Variants in AGO1 observed in about 807,000 individuals in gnomAD.
The protein encoded by AGO1 is argonaute RISC component 1.
A neutral mutation model predicts 109.2 loss-of-function variants in AGO1; 11 were observed. That is an observed-to-expected ratio of 0.10 (90% CI 0.06 to 0.17). AGO1 has a LOEUF of 0.17. Ranked by LOEUF, AGO1 falls within the 10% of genes least tolerant of loss-of-function variation. The pLI, the probability that AGO1 is intolerant of heterozygous loss-of-function variation, is 1.00. For missense variants in AGO1, 574 were observed against 1,140.3 expected (o/e 0.50, Z 7.15); for synonymous variants, 422 against 418.6 (o/e 1.01, Z -0.10).
Position 35,883,295 on chromosome 1 carries a change from C to T in AGO1, c.-127C>T, listed in dbSNP as rs1333289576. The T allele has an allele frequency of 2.1e-6, 3 of 1,429,666 alleles. No individual in the cohort carries two copies. The highest frequency in any genetic ancestry group is 1.5e-5 in the African/African-American group (1 of 66,482). The allele number at this position is 1,429,666 out of a possible 1,614,324, so 88.6% of individuals were successfully genotyped here. A position where few individuals can be genotyped will look rare whatever the true frequency, so the allele number is the denominator to read the frequency against. On this transcript the variant is annotated 5_prime_UTR_variant, in exon 1 of 19. Transcript: ENST00000373204. The surrounding 1 kb of genome is among the most constrained non-coding windows in gnomAD (Gnocchi z 5.4). ...GAGGCTGCGGGGGCGGCGGCGCGAG[C>T]GGCCGGGCTTGGTAGGGGAGCCGAG...
At chr1:35,912,570 TA>T (rs1354618735) in intron 12 of AGO1, among the ~76,000 whole-genome samples, 4 of 152,160 alleles carry the variant, frequency 2.6e-5, no homozygotes, top group East Asian at 1.9e-4. Context: ...TATTTTATTT[TA>T]TTTTTTTATT....
intron 11 of AGO1, 85 bp downstream of exon 11, chr1:35,902,422 G>A: frequency 1.3e-6 from 2 of 1,530,462 alleles, no homozygotes; most frequent in Non-Finnish European, 1.8e-6. Flanking sequence ...GGCTGATATT[G>A]ATCAGTAATG....
In AGO1 at chr1:35,926,879, T is replaced by C. The variant is rs1645938928; in HGVS notation, c.*7272T>C. On this transcript the variant is annotated 3_prime_UTR_variant, in exon 19 of 19. Transcript: ENST00000373204. The stretch of plus-strand genomic sequence containing the variant: ...TGGCTTACCCTGCAGGAACATACTG[T>C]GTCCTGTTGTTCTGGACTGTAGCAT... 2 of 152,016 alleles carry C rather than the reference T, an allele frequency of 1.3e-5. 1 individual carries two copies. The highest frequency in any genetic ancestry group is 1.3e-4 in the Admixed American group (2 of 15,258). 9.4% of individuals were successfully genotyped at this position (152,016 alleles called of 1,614,324 possible). A position where few individuals can be genotyped will look rare whatever the true frequency, so the allele number is the denominator to read the frequency against.
Position 35,893,554 on chromosome 1 carries a change from C to T in AGO1, c.513-120C>T, listed in dbSNP as rs117260057. The stretch of plus-strand genomic sequence containing the variant: ...GTCAGTCATACAACTAGTAAAGCAT[C>T]AGAGCTGGCATTAAAGCCCCGGTGT... On this transcript the variant is annotated intron_variant, in intron 4 of 18. Transcript: ENST00000373204. The surrounding 1 kb of genome is among the most constrained non-coding windows in gnomAD (Gnocchi z 5.6). 2.6e-4 allele frequency: 279 copies of T among 1,078,434 alleles called. No homozygotes were observed. The East Asian group carries it at 7.1e-3, about 28-fold the overall frequency. 66.8% of individuals were successfully genotyped at this position (1,078,434 alleles called of 1,614,324 possible).
chr1:35,882,381 A>G (rs1645046116), upstream of AGO1, among the ~76,000 whole-genome samples: 1 of 152,202 alleles, frequency 6.6e-6, no homozygotes. The surrounding 1 kb of genome is among the most constrained non-coding windows in gnomAD (Gnocchi z 5.1). Flanking sequence ...GGGGCCCTTT[A>G]GAAAGACTGA....
chr1:35,920,717 G>T lies in AGO1; in HGVS notation c.*1110G>T, dbSNP rs1645816341. 1 of 152,506 alleles carries T rather than the reference G, an allele frequency of 6.6e-6. No homozygotes were observed. The highest frequency in any genetic ancestry group is 1.5e-5 in the Non-Finnish European group (1 of 68,042). 9.4% of individuals were successfully genotyped at this position (152,506 alleles called of 1,614,324 possible). A position where few individuals can be genotyped will look rare whatever the true frequency, so the allele number is the denominator to read the frequency against. ...CTACCTCCCGCCCCGCCCAGGTCTG[G>T]AGTTACTTTCATAGCATTTTTCACT... On this transcript the variant is annotated 3_prime_UTR_variant, in exon 19 of 19. Transcript: ENST00000373204.
Position 35,893,389 on chromosome 1 carries a change from T to C in AGO1, c.512+111T>C. On this transcript the variant is annotated intron_variant, in intron 4 of 18. Transcript: ENST00000373204. The surrounding 1 kb of genome is among the most constrained non-coding windows in gnomAD (Gnocchi z 5.6). ...AGAGTGCCATTAAAAAAAAAAATTA[T>C]TTGAAGCCCTACCACTTGCCAGGCA... 8.4e-7 allele frequency: 1 copy of C among 1,190,824 alleles called. No individual in the cohort carries two copies. The highest frequency in any genetic ancestry group is 1.2e-6 in the Non-Finnish European group (1 of 857,154). The allele number at this position is 1,190,824 out of a possible 1,614,324, so 73.8% of individuals were successfully genotyped here.
intron 11 of AGO1, among the ~76,000 whole-genome samples, chr1:35,903,301 C>T (rs986734605): frequency 4.3e-5 from 6 of 139,244 alleles, no homozygotes; most frequent in Non-Finnish European, 5.9e-5. Flanking sequence ...CCACTGTGCC[C>T]GGCCTTTTTT....
chr1:35,898,521 C>T (rs79348940), intron 8 of AGO1, among the ~76,000 whole-genome samples: 13,360 of 152,236 alleles, frequency 0.088, 2,043 homozygotes, highest in East Asian at 0.68. Context: ...TCCCAAATTG[C>T]TGGGATTACA....
At chr1:35,877,554 T>C (rs1334677564) in intron 1 of AGO1, among the ~76,000 whole-genome samples, 1 of 152,200 alleles carries the variant, frequency 6.6e-6, no homozygotes, top group South Asian at 2.1e-4. Context: ...TAAAGTTTCA[T>C]TGAAATTATC....
intron 8 of AGO1, among the ~76,000 whole-genome samples, chr1:35,900,330 C>T (rs991532982): frequency 3.3e-5 from 5 of 152,214 alleles, no homozygotes; most frequent in Non-Finnish European, 7.3e-5. Context: ...AAATAATAAT[C>T]TGTGCTACAA....
At chr1:35,887,404 A>G (rs1025106434) in intron 1 of AGO1, among the ~76,000 whole-genome samples, 3 of 152,190 alleles carry the variant, frequency 2.0e-5, no homozygotes, top group African/African-American at 4.8e-5. Flanking sequence ...CCCCCAAGCT[A>G]GAAAATAAGA....
At chr1:35,903,960 T>TA (rs1645469838) in intron 11 of AGO1, among the ~76,000 whole-genome samples, 1 of 149,202 alleles carries the variant, frequency 6.7e-6, no homozygotes. Flanking sequence ...AGACTCCATC[T>TA]CAAAAAAAAA....
rs1645861365 is a variant in AGO1, at chr1:35,923,003, G to A, written c.*3396G>A. ...TTAGGGGATGGACATAAAGGAAAAA[G>A]AGTGATGAGAAGAGAATGGAGAGAA... On this transcript the variant is annotated 3_prime_UTR_variant, in exon 19 of 19. Coordinates refer to ENST00000373204, the MANE Select transcript of AGO1 (RefSeq NM_012199.5). The A allele has an allele frequency of 6.6e-6, 1 of 152,320 alleles. No homozygotes were observed. 9.4% of individuals were successfully genotyped at this position (152,320 alleles called of 1,614,324 possible). A position where few individuals can be genotyped will look rare whatever the true frequency, so the allele number is the denominator to read the frequency against.
At chr1:35,907,987 T>C (rs1012017748) in intron 12 of AGO1, among the ~76,000 whole-genome samples, 5 of 152,220 alleles carry the variant, frequency 3.3e-5, no homozygotes, top group Admixed American at 6.5e-5. Flanking sequence ...CCCAGTCATC[T>C]TGTGCACCTG....
At position 35,893,481 on chromosome 1, in the gene AGO1, A is replaced by G. The variant is rs1225997319; in HGVS notation, c.513-193A>G. 1.6e-5 allele frequency: 13 copies of G among 800,788 alleles called. No individual in the cohort carries two copies. The highest frequency in any genetic ancestry group is 2.1e-5 in the Non-Finnish European group (11 of 521,698). The allele number at this position is 800,788 out of a possible 1,614,324, so 49.6% of individuals were successfully genotyped here. Reference sequence around the variant, plus strand: ...AACTTCTTAGATATCTTTGGGCCTCATCCCATCTGTCCCTGCAGGGCAGAG... The same window carrying G: ...AACTTCTTAGATATCTTTGGGCCTCGTCCCATCTGTCCCTGCAGGGCAGAG... On this transcript the variant is annotated intron_variant, in intron 4 of 18. Transcript: ENST00000373204. The surrounding 1 kb of genome is among the most constrained non-coding windows in gnomAD (Gnocchi z 5.6).
chr1:35,911,268 A>G (rs937246612), intron 12 of AGO1, among the ~76,000 whole-genome samples: 2 of 152,232 alleles, frequency 1.3e-5, no homozygotes. Flanking sequence ...AAGAAAAATG[A>G]AAAAGAATCC....
Position 35,927,043 on chromosome 1 carries a change from TTCC to T in AGO1, c.*7439_*7441del, listed in dbSNP as rs1645944220. The stretch of plus-strand genomic sequence containing the variant: ...CCCCATTTTCCAAAGGGAGGGAACT[TTCC>T]TCTTAAAAGAGACAGTGGGAACTTT... On this transcript the variant is annotated 3_prime_UTR_variant, in exon 19 of 19. Coordinates refer to ENST00000373204, the MANE Select transcript of AGO1 (RefSeq NM_012199.5). 1 of 151,828 alleles carries T rather than the reference TTCC, an allele frequency of 6.6e-6. No individual in the cohort carries two copies. The highest frequency in any genetic ancestry group is 1.5e-5 in the Non-Finnish European group (1 of 67,950). 9.4% of individuals were successfully genotyped at this position (151,828 alleles called of 1,614,324 possible).
intron 12 of AGO1, among the ~76,000 whole-genome samples, chr1:35,911,296 T>G (rs1015220368): frequency 2.0e-5 from 3 of 152,174 alleles, no homozygotes; most frequent in Non-Finnish European, 4.4e-5. Flanking sequence ...ATGAAGATAC[T>G]ATTTGAAGTG....
Sources: allele counts gnomAD v4.1 joint callset (sites outside exome capture counted in the v4.1 genomes callset), GRCh38; gene constraint gnomAD v4.1.1; non-coding constraint Gnocchi (gnomAD v3.1); transcripts MANE v1.5; gene names NCBI Gene and HGNC (gene_info 2026-07-23, HGNC 2026-07-21).